Variants in CRADD observed in about 807,000 individuals in gnomAD.
The protein encoded by CRADD is CARD and death domain containing adaptor protein, also known as death domain-containing protein CRADD.
CRADD carries 9 observed loss-of-function variants against 15.5 expected under a neutral mutation model. That is an observed-to-expected ratio of 0.58 (90% confidence interval 0.35 to 1.01). The LOEUF (loss-of-function observed/expected upper bound fraction) is 1.01, where lower values mean the gene tolerates loss of function less well. Among genes scored for constraint, CRADD ranks in the 50% least tolerant of loss-of-function variants. The pLI is 0.02. For synonymous variants in CRADD, 118 were observed against 107.6 expected (o/e 1.10, Z -0.60); for missense variants, 227 against 250.3 (o/e 0.91, Z 0.63).
intron 2 of CRADD, among the ~76,000 whole-genome samples, chr12:93,821,905 G>A (rs1375323282): frequency 6.6e-6 from 1 of 151,890 alleles, no homozygotes; most frequent in Non-Finnish European, 1.5e-5. Flanking sequence ...ATCATTTGAG[G>A]CCAAGAGTTC....
intron 2 of CRADD, among the ~76,000 whole-genome samples, chr12:93,703,983 T>C (rs1223055248): frequency 2.2e-5 from 3 of 138,016 alleles, no homozygotes; most frequent in South Asian, 2.3e-4. Context: ...CCTTTCTTTT[T>C]TTTTTTTTTT....
chr12:93,860,351 C>T (rs957566082), intron 2 of CRADD, among the ~76,000 whole-genome samples: 1 of 152,102 alleles, frequency 6.6e-6, no homozygotes, highest in Non-Finnish European at 1.5e-5. Context: ...TCAATTTGGA[C>T]CAATCATGGA....
chr12:93,709,606 T>C (rs996657844), intron 2 of CRADD, among the ~76,000 whole-genome samples: 4 of 152,272 alleles, frequency 2.6e-5, no homozygotes, highest in Non-Finnish European at 5.9e-5. Context: ...TTCTTTTTTA[T>C]GGCTGTGTAG....
chr12:93,876,755 C>T (rs1008154081), intron 2 of CRADD, among the ~76,000 whole-genome samples: 1 of 151,978 alleles, frequency 6.6e-6, no homozygotes, highest in African/African-American at 2.4e-5. Context: ...TTTGAGTATC[C>T]TCAACACAGC....
chr12:93,856,904 A>G (rs1159620270), intron 2 of CRADD, among the ~76,000 whole-genome samples: 1 of 152,170 alleles, frequency 6.6e-6, no homozygotes, highest in Non-Finnish European at 1.5e-5. Flanking sequence ...TTTTAAATGT[A>G]ATAACTGCCT....
intron 2 of CRADD, among the ~76,000 whole-genome samples, chr12:93,773,409 C>T (rs1247798603): frequency 6.6e-6 from 1 of 152,114 alleles, no homozygotes; most frequent in African/African-American, 2.4e-5. Flanking sequence ...TGCACAAGCT[C>T]TCATCTGGTC....
intron 2 of CRADD, among the ~76,000 whole-genome samples, chr12:93,703,016 G>A (rs915655636): frequency 7.9e-5 from 12 of 152,042 alleles, no homozygotes; most frequent in Middle Eastern, 3.2e-3. Context: ...AATTGTTTTA[G>A]AACAGCATTT....
intron 2 of CRADD, among the ~76,000 whole-genome samples, chr12:93,782,859 T>C (rs527501813): frequency 6.6e-6 from 1 of 152,280 alleles, no homozygotes; most frequent in East Asian, 1.9e-4. Context: ...CTTTAAAAAA[T>C]ACTCCTTCAA....
At chr12:93,793,706 A>G (rs942795972) in intron 2 of CRADD, among the ~76,000 whole-genome samples, 1 of 152,194 alleles carries the variant, frequency 6.6e-6, no homozygotes, top group African/African-American at 2.4e-5. Context: ...GAGTTGGGGA[A>G]TAGGTGGAAG....
rs549181956 is a variant in CRADD, at chr12:93,811,056, C to T, written c.299-38914C>T. 2.1e-3 allele frequency among the ~76,000 whole-genome samples: 313 copies of T among 152,274 alleles called. 2 individuals carry two copies. Among genetic ancestry groups the T allele is most frequent in the African/African-American group, 6.2e-3 (259 of 41,564 alleles). ...GTCAGTGACTTTTCCCTTAGCCCCC[C>T]CTCCTGGAACAGCCGGCTGCTGGTG... On this transcript the variant is annotated intron_variant, in intron 2 of 2. Transcript: ENST00000332896.
intron 1 of CRADD, 118 bp downstream of exon 1, chr12:93,677,590 G>C (rs1006362859): frequency 1.3e-5 from 2 of 152,338 alleles, no homozygotes; most frequent in Non-Finnish European, 2.9e-5. Flanking sequence ...CCGGGCCAAG[G>C]CTGGGTGGCT....
chr12:93,778,551 T>C (rs539241978), intron 2 of CRADD, among the ~76,000 whole-genome samples: 1 of 152,352 alleles, frequency 6.6e-6, no homozygotes, highest in South Asian at 2.1e-4. Context: ...TATGCTTAGC[T>C]GATTTCTTGA....
intron 2 of CRADD, among the ~76,000 whole-genome samples, chr12:93,825,002 T>G (rs903011915): frequency 1.3e-5 from 2 of 152,210 alleles, no homozygotes; most frequent in Admixed American, 1.3e-4. Flanking sequence ...TGAAAATAAG[T>G]TTTTGCTGTT....
chr12:93,786,185 C>T (rs1459938383), intron 2 of CRADD, among the ~76,000 whole-genome samples: 3 of 152,170 alleles, frequency 2.0e-5, no homozygotes, highest in African/African-American at 4.8e-5. Flanking sequence ...CTGTTTTAGG[C>T]CCCCTTTGGC....
intron 2 of CRADD, among the ~76,000 whole-genome samples, chr12:93,873,112 A>G (rs1009589573): frequency 6.6e-6 from 1 of 151,818 alleles, no homozygotes; most frequent in Non-Finnish European, 1.5e-5. Flanking sequence ...TTTCATTATA[A>G]ACATCTTTTG....
chr12:93,747,751 C>T (rs1956777386), intron 2 of CRADD, among the ~76,000 whole-genome samples: 2 of 152,302 alleles, frequency 1.3e-5, no homozygotes, highest in African/African-American at 4.8e-5. Flanking sequence ...CAGGCGTGAG[C>T]CACCACTCCT....
chr12:93,710,018 G>C (rs1325583836), intron 2 of CRADD, among the ~76,000 whole-genome samples: 7 of 152,162 alleles, frequency 4.6e-5, no homozygotes, highest in Admixed American at 4.6e-4. Flanking sequence ...CCACATGAAT[G>C]TTCCAAAATA....
At chr12:93,814,025 A>G (rs1447442219) in intron 2 of CRADD, among the ~76,000 whole-genome samples, 1 of 152,112 alleles carries the variant, frequency 6.6e-6, no homozygotes, top group Non-Finnish European at 1.5e-5. Flanking sequence ...GTTAAGGGCA[A>G]GTGAGGGCAG....
chr12:93,876,187 G>T (rs1958456813), intron 2 of CRADD, among the ~76,000 whole-genome samples: 1 of 152,040 alleles, frequency 6.6e-6, no homozygotes, highest in African/African-American at 2.4e-5. Flanking sequence ...CTTCTGCCAG[G>T]CATAGTGGAG....
Sources: allele counts gnomAD v4.1 joint callset (sites outside exome capture counted in the v4.1 genomes callset), GRCh38; gene constraint gnomAD v4.1.1; transcripts MANE v1.5; gene names NCBI Gene and HGNC (gene_info 2026-07-23, HGNC 2026-07-21).